Variants in VAT1L observed in about 807,000 individuals in gnomAD.
VAT1L encodes the protein putative NADPH-dependent quinone oxidoreductase VAT1L.
In VAT1L, 34 loss-of-function variants were observed where a neutral mutation model predicts 44.1. The observed-to-expected ratio is 0.77, with a 90% CI of 0.59 to 1.03. The LOEUF (loss-of-function observed/expected upper bound fraction) is 1.03. VAT1L is among the 50% of genes least tolerant of loss of function. The pLI is 0.00. For synonymous variants in VAT1L, 253 were observed against 202.2 expected, an observed-to-expected ratio of 1.25 and a Z score of -2.13; for missense variants, 615 against 538.8, an observed-to-expected ratio of 1.14 and a Z score of -1.40.
intron 1 of VAT1L, among the ~76,000 whole-genome samples, chr16:77,792,316 T>G (rs2015849238): frequency 6.6e-6 from 1 of 152,138 alleles, no homozygotes; most frequent in Non-Finnish European, 1.5e-5. Flanking sequence ...TTAAGAGAGC[T>G]TCCTAGACAT....
chr16:77,934,022 G>A (rs2142504873), intron 7 of VAT1L, among the ~76,000 whole-genome samples: 1 of 152,264 alleles, frequency 6.6e-6, no homozygotes. Flanking sequence ...TTATTTCTGT[G>A]CAATAGACTG....
At chr16:77,911,596 C>G (rs1014285355) in intron 7 of VAT1L, among the ~76,000 whole-genome samples, 2 of 152,218 alleles carry the variant, frequency 1.3e-5, no homozygotes, top group Admixed American at 6.5e-5. Flanking sequence ...TCACAAGCTT[C>G]TTTTCTAGGC....
At chr16:77,793,067 T>C (rs193162183) in intron 1 of VAT1L, among the ~76,000 whole-genome samples, 10 of 152,266 alleles carry the variant, frequency 6.6e-5, no homozygotes, top group Non-Finnish European at 8.8e-5. Flanking sequence ...TATGTAAACT[T>C]TTACTTTTGG....
At chr16:77,913,305 C>G (rs1031034650) in intron 7 of VAT1L, among the ~76,000 whole-genome samples, 1 of 152,106 alleles carries the variant, frequency 6.6e-6, no homozygotes, top group Non-Finnish European at 1.5e-5. Flanking sequence ...ACGTTTTTGT[C>G]TTGCAACTCT....
intron 4 of VAT1L, among the ~76,000 whole-genome samples, chr16:77,865,443 G>C (rs1597073713): frequency 6.6e-6 from 1 of 152,280 alleles, no homozygotes; most frequent in African/African-American, 2.4e-5. Flanking sequence ...GTGATGGCCT[G>C]GAGACTGTGC....
At chr16:77,814,936 T>C (rs937063601) in intron 1 of VAT1L, among the ~76,000 whole-genome samples, 9 of 152,246 alleles carry the variant, frequency 5.9e-5, no homozygotes, top group African/African-American at 2.2e-4. Context: ...GAATACTGAC[T>C]ATGTACGTGG....
At chr16:77,900,465 G>C (rs558437988) in intron 7 of VAT1L, among the ~76,000 whole-genome samples, 1 of 151,882 alleles carries the variant, frequency 6.6e-6, no homozygotes, top group Non-Finnish European at 1.5e-5. Context: ...AGGACAAGGC[G>C]GGGGGGATCA....
At chr16:77,921,780 G>C (rs2017614472) in intron 7 of VAT1L, among the ~76,000 whole-genome samples, 2 of 152,112 alleles carry the variant, frequency 1.3e-5, no homozygotes, top group Non-Finnish European at 2.9e-5. Flanking sequence ...ATCTCACTCT[G>C]TTGGCCGGGC....
At chr16:77,957,465 G>T (rs1020385615) in intron 7 of VAT1L, among the ~76,000 whole-genome samples, 5 of 152,120 alleles carry the variant, frequency 3.3e-5, no homozygotes, top group African/African-American at 4.8e-5. Flanking sequence ...AGTGGCTCAC[G>T]CCTATAATCC....
At chr16:77,856,879 T>TG (rs1211992612) in intron 3 of VAT1L, among the ~76,000 whole-genome samples, 3 of 152,242 alleles carry the variant, frequency 2.0e-5, no homozygotes, top group Admixed American at 6.5e-5. Context: ...TACCTGCATT[T>TG]GACTTCCAGC....
intron 8 of VAT1L, among the ~76,000 whole-genome samples, chr16:77,975,106 C>T (rs557955370): frequency 1.1e-4 from 16 of 150,296 alleles, no homozygotes; most frequent in Admixed American, 7.3e-4. Flanking sequence ...GCTCCAGGCT[C>T]CACAGGATGT....
chr16:77,932,907 T>C (rs1000955443), intron 7 of VAT1L, among the ~76,000 whole-genome samples: 1 of 152,198 alleles, frequency 6.6e-6, no homozygotes, highest in Non-Finnish European at 1.5e-5. Context: ...GATTCAAGCA[T>C]GTTAGAACTC....
Position 77,920,929 on chromosome 16 carries a change from G to C in VAT1L, c.1077+36127G>C, listed in dbSNP as rs1597099342. On this transcript the variant is annotated intron_variant, in intron 7 of 8. Coordinates refer to ENST00000302536, the MANE Select transcript of VAT1L (RefSeq NM_020927.3). ...CCTCATCATTAGGTGTCATATGACT[G>C]TGTGTGTGTGTGTGTGTGTAGTGTG... 1.1e-4 allele frequency among the ~76,000 whole-genome samples: 4 copies of C among 35,090 alleles called. No homozygotes were observed. In the South Asian group the frequency reaches 4.6e-3, roughly 40 times the overall value. The allele number at this position is 35,090 out of a possible 152,430, so 23.0% of individuals were successfully genotyped here. A position where few individuals can be genotyped will look rare whatever the true frequency, so the allele number is the denominator to read the frequency against.
At chr16:77,790,743 C>A (rs1010638949) in intron 1 of VAT1L, among the ~76,000 whole-genome samples, 1 of 152,106 alleles carries the variant, frequency 6.6e-6, no homozygotes, top group African/African-American at 2.4e-5. Flanking sequence ...AGTACATATT[C>A]AGAGAGGGAA....
At chr16:77,938,987 A>G (rs1175413749) in intron 7 of VAT1L, among the ~76,000 whole-genome samples, 2 of 152,156 alleles carry the variant, frequency 1.3e-5, no homozygotes. Flanking sequence ...TGTCTACTCC[A>G]GGAATGAGAC....
intron 1 of VAT1L, among the ~76,000 whole-genome samples, chr16:77,790,076 A>G (rs926108071): frequency 1.8e-4 from 27 of 152,158 alleles, no homozygotes; most frequent in Non-Finnish European, 2.1e-4. Flanking sequence ...GAAACCCAAT[A>G]TCTGGACCTC....
At chr16:77,858,223 C>T (rs1427511950) in intron 3 of VAT1L, among the ~76,000 whole-genome samples, 1 of 152,090 alleles carries the variant, frequency 6.6e-6, no homozygotes, top group Non-Finnish European at 1.5e-5. Flanking sequence ...AGGGGGCAAC[C>T]AACTCTATCT....
intron 7 of VAT1L, among the ~76,000 whole-genome samples, chr16:77,919,940 C>A (rs542995175): frequency 4.6e-5 from 7 of 151,890 alleles, no homozygotes; most frequent in Non-Finnish European, 1.0e-4. Flanking sequence ...AATAAATAGC[C>A]GAGTATGGTG....
intron 7 of VAT1L, among the ~76,000 whole-genome samples, chr16:77,918,768 C>T (rs2017578815): frequency 1.3e-5 from 2 of 152,182 alleles, no homozygotes; most frequent in Non-Finnish European, 1.5e-5. Flanking sequence ...CCATTTTTCT[C>T]CTCCTTCCAA....
Sources: allele counts gnomAD v4.1 joint callset (sites outside exome capture counted in the v4.1 genomes callset), GRCh38; gene constraint gnomAD v4.1.1; transcripts MANE v1.5; gene names NCBI Gene and HGNC (gene_info 2026-07-23, HGNC 2026-07-21).